The following CUX2 variants were observed in gnomAD, a reference collection of about 807,000 sequenced individuals.
CUX2 encodes the protein cut like homeobox 2, also known as homeobox protein cut-like 2.
In CUX2, 40 loss-of-function variants were observed where a neutral mutation model predicts 144.8. The observed-to-expected ratio is 0.28, with a 90% confidence interval of 0.21 to 0.36. CUX2 has a LOEUF of 0.36. CUX2 is among the 10% of genes least tolerant of loss of function. The pLI, the probability that CUX2 is intolerant of heterozygous loss-of-function variation, is 1.00. For synonymous variants in CUX2, 827 were observed against 875.6 expected (o/e 0.94, Z 0.98); for missense variants, 1,615 against 1,994.0 (o/e 0.81, Z 3.62).
chr12:111,342,454 C>T (rs903263856), intron 21 of CUX2, among the ~76,000 whole-genome samples: 7 of 151,188 alleles, frequency 4.6e-5, no homozygotes, highest in South Asian at 2.1e-4. Flanking sequence ...GCACTCCAGC[C>T]GGGGCGACAG....
chr12:111,176,224 T>A (rs1167052020), intron 1 of CUX2, among the ~76,000 whole-genome samples: 1 of 151,646 alleles, frequency 6.6e-6, no homozygotes, highest in Non-Finnish European at 1.5e-5. Flanking sequence ...TTTTTTTTAA[T>A]TTTGTAGAAA....
At position 111,034,169 on chromosome 12, in the gene CUX2, G is replaced by T; in HGVS notation, c.-9G>T. 1 of 1,397,064 alleles carries T rather than the reference G, an allele frequency of 7.2e-7. No individual in the cohort carries two copies. Among genetic ancestry groups the T allele is most frequent in the South Asian group, 1.2e-5 (1 of 86,480 alleles). 86.5% of individuals were successfully genotyped at this position (1,397,064 alleles called of 1,614,324 possible). On this transcript the variant is annotated 5_prime_UTR_variant, in exon 1 of 22. Transcript: ENST00000261726. The surrounding 1 kb of genome is among the most constrained non-coding windows in gnomAD (Gnocchi z 4.2). ...ACTCTTGTGTGTGCGCGTCTCGATA[G>T]CCCCCAAGATGGCCGCCAATGTGGG...
chr12:111,337,108 G>C (rs1429935909), intron 19 of CUX2, among the ~76,000 whole-genome samples: 3 of 152,140 alleles, frequency 2.0e-5, no homozygotes, highest in African/African-American at 7.2e-5. Context: ...CCAGGAGACA[G>C]AGGTTGCAAG....
rs556499039 is a variant in CUX2, at chr12:111,148,618, A to G, written c.64-65582A>G. 3.8e-4 allele frequency among the ~76,000 whole-genome samples: 58 copies of G among 152,330 alleles called. 1 individual carries two copies. The highest frequency in any genetic ancestry group is 3.8e-3 in the Admixed American group (58 of 15,294). ...CTATTAATACTATGTTACTGCCACC[A>G]CTAAGTAATGCTGCAGTGCGTACGT... On this transcript the variant is annotated intron_variant, in intron 1 of 21. Coordinates refer to ENST00000261726, the MANE Select transcript of CUX2 (RefSeq NM_015267.4).
intron 1 of CUX2, among the ~76,000 whole-genome samples, chr12:111,040,247 A>G (rs932921208): frequency 1.3e-5 from 2 of 151,740 alleles, no homozygotes; most frequent in Middle Eastern, 3.2e-3. Flanking sequence ...TGATCATACC[A>G]TTGCACTCCA....
At chr12:111,155,391 A>G (rs1378109845) in intron 1 of CUX2, among the ~76,000 whole-genome samples, 2 of 152,264 alleles carry the variant, frequency 1.3e-5, no homozygotes, top group African/African-American at 4.8e-5. Flanking sequence ...TTCCTGGGCC[A>G]TGATTCTTAG....
chr12:111,323,736 C>T (rs1887643680), intron 18 of CUX2, among the ~76,000 whole-genome samples: 1 of 151,892 alleles, frequency 6.6e-6, no homozygotes, highest in South Asian at 2.1e-4. Flanking sequence ...TGCACTCCGG[C>T]TTGGGTGACA....
intron 1 of CUX2, among the ~76,000 whole-genome samples, chr12:111,116,341 A>T (rs962880242): frequency 4.6e-5 from 7 of 152,216 alleles, no homozygotes; most frequent in African/African-American, 1.7e-4. Flanking sequence ...AATATTGAGA[A>T]GTGGTGAGGA....
chr12:111,269,418 G>A (rs1222821873), intron 4 of CUX2, among the ~76,000 whole-genome samples: 1 of 152,188 alleles, frequency 6.6e-6, no homozygotes, highest in Non-Finnish European at 1.5e-5. Flanking sequence ...TTTATTGAGT[G>A]CCTACTGTGT....
intron 1 of CUX2, among the ~76,000 whole-genome samples, chr12:111,158,437 G>A (rs1877532293): frequency 7.1e-6 from 1 of 141,386 alleles, no homozygotes; most frequent in African/African-American, 2.7e-5. Context: ...GTGAGACCCA[G>A]TCTCTACCAA....
rs566652301 is a variant in CUX2 at position 111,183,293 on chromosome 12, C to T, written c.64-30907C>T. 3.9e-5 allele frequency among the ~76,000 whole-genome samples: 6 copies of T among 152,384 alleles called. No individual in the cohort carries two copies. In the South Asian group the frequency reaches 1.2e-3, roughly 32 times the overall value. Reference sequence around the variant, plus strand: ...TGACAGGGTCAGGCTGTCCCTCAGGCAGGCCTGGCATTTGGGCCTCCAAGC... The same window carrying T: ...TGACAGGGTCAGGCTGTCCCTCAGGTAGGCCTGGCATTTGGGCCTCCAAGC... On this transcript the variant is annotated intron_variant, in intron 1 of 21. Transcript: ENST00000261726.
Position 111,255,296 on chromosome 12 carries a change from T to C in CUX2, c.223-8465T>C, listed in dbSNP as rs565930289. 6.6e-6 allele frequency among the ~76,000 whole-genome samples: 1 copy of C among 152,354 alleles called. No individual in the cohort carries two copies. The highest frequency in any genetic ancestry group is 2.4e-5 in the African/African-American group (1 of 41,580). ...GAACCCAGTTTGACAACAGTAGCTA[T>C]CAAAAACAAAAGTCAAACTTATTTC... On this transcript the variant is annotated intron_variant, in intron 3 of 21. Transcript: ENST00000261726. This position sits in a 1 kb window ranked among gnomAD's most constrained non-coding sequence, Gnocchi z 4.1.
intron 1 of CUX2, among the ~76,000 whole-genome samples, chr12:111,123,741 G>A (rs1874849642): frequency 6.6e-6 from 1 of 151,564 alleles, no homozygotes; most frequent in Admixed American, 6.6e-5. Context: ...TCACTATGTT[G>A]CCCAGGCTAA....
intron 1 of CUX2, among the ~76,000 whole-genome samples, chr12:111,125,339 C>T (rs761970344): frequency 6.6e-6 from 1 of 152,124 alleles, no homozygotes; most frequent in Non-Finnish European, 1.5e-5. Flanking sequence ...GCCACCGCAC[C>T]AGGCTAATTT....
chr12:111,053,860 T>C (rs1468663394), intron 1 of CUX2, among the ~76,000 whole-genome samples: 1 of 152,188 alleles, frequency 6.6e-6, no homozygotes, highest in Non-Finnish European at 1.5e-5. Flanking sequence ...GAGGTTACCT[T>C]TTAAAAACTC....
chr12:111,154,753 G>C (rs1877269046), intron 1 of CUX2, among the ~76,000 whole-genome samples: 1 of 152,174 alleles, frequency 6.6e-6, no homozygotes, highest in Non-Finnish European at 1.5e-5. Flanking sequence ...AAACTGACCT[G>C]AATTGTTCTT....
intron 1 of CUX2, among the ~76,000 whole-genome samples, chr12:111,151,875 G>A (rs1203105392): frequency 6.6e-6 from 1 of 152,146 alleles, no homozygotes; most frequent in African/African-American, 2.4e-5. Context: ...TTAGTCATTC[G>A]AGTATTTACT....
At chr12:111,325,364 G>T (rs189252927) in intron 18 of CUX2, among the ~76,000 whole-genome samples, 65 of 152,016 alleles carry the variant, frequency 4.3e-4, no homozygotes, top group Non-Finnish European at 8.4e-4. Flanking sequence ...AGCACCAAGT[G>T]GTCAAAGTGC....
chr12:111,042,796 CTTTT>C (rs770921301), intron 1 of CUX2, among the ~76,000 whole-genome samples: 4 of 138,786 alleles, frequency 2.9e-5, no homozygotes, highest in African/African-American at 2.6e-5. Context: ...CCACGCCTGG[CTTTT>C]TTTTTTTTTT....
Sources: allele counts gnomAD v4.1 joint callset (sites outside exome capture counted in the v4.1 genomes callset), GRCh38; gene constraint gnomAD v4.1.1; non-coding constraint Gnocchi (gnomAD v3.1); transcripts MANE v1.5; gene names NCBI Gene and HGNC (gene_info 2026-07-23, HGNC 2026-07-21).